Variants in NOTCH1 observed in about 807,000 individuals in gnomAD.
NOTCH1 encodes the protein neurogenic locus notch homolog protein 1.
NOTCH1 carries 37 observed loss-of-function variants against 254.8 expected under a neutral mutation model. That is an observed-to-expected ratio of 0.15 (90% confidence interval 0.11 to 0.19). The LOEUF is 0.19. Among genes scored for constraint, NOTCH1 ranks in the 10% least tolerant of loss-of-function variants. The probability of loss-of-function intolerance (pLI) is 1.00; values close to 1 mark genes in which losing one functional copy is unlikely to be tolerated. For synonymous variants in NOTCH1, 1,731 were observed against 1,618.1 expected (o/e 1.07, Z -1.68); for missense variants, 2,972 against 3,708.6 (o/e 0.80, Z 5.16).
chr9:136,525,620 C>T (rs978245074), intron 2 of NOTCH1, among the ~76,000 whole-genome samples: 14 of 152,328 alleles, frequency 9.2e-5, no homozygotes, highest in African/African-American at 3.1e-4. Context: ...GCCCCAGGAC[C>T]GGCCCTGAAG....
chr9:136,542,510 G>A (rs960196123), intron 2 of NOTCH1, among the ~76,000 whole-genome samples: 3 of 149,758 alleles, frequency 2.0e-5, no homozygotes, highest in South Asian at 2.1e-4. Context: ...GCGTCCGTGC[G>A]GCTTCTGCAG....
At chr9:136,518,852 G>A (rs762780194) in intron 5 of NOTCH1, 28 bp from the exon 6 acceptor site, 45 of 1,594,094 alleles carry the variant, frequency 2.8e-5, no homozygotes, top group Admixed American at 5.0e-5. Context: ...TGTCGGCCCC[G>A]GGCAGCTGCC....
chr9:136,499,299 C>G (rs368372846), intron 31 of NOTCH1, 40 bp from the exon 32 acceptor site: 5 of 1,607,598 alleles, frequency 3.1e-6, no homozygotes, highest in Non-Finnish European at 4.2e-6. Flanking sequence ...GCTGGGCAGA[C>G]GTACACCGAT....
At chr9:136,512,987 G>T (rs375643075) in intron 15 of NOTCH1, 34 bp downstream of exon 15, 1 of 362,632 alleles carries the variant, frequency 2.8e-6, no homozygotes, top group Admixed American at 4.0e-5. Context: ...CATAGGCCCC[G>T]CCCCCTCCAG....
intron 2 of NOTCH1, among the ~76,000 whole-genome samples, chr9:136,534,241 G>T (rs1843607121): frequency 6.6e-6 from 1 of 152,218 alleles, no homozygotes; most frequent in Non-Finnish European, 1.5e-5. Context: ...CTGGCCTCCT[G>T]TGCTACCTGT....
At position 136,518,843 on chromosome 9, in the gene NOTCH1, G is replaced by T. The variant is rs770694410; in HGVS notation, c.866-19C>A. On this transcript the variant is annotated intron_variant, in intron 5 of 33. Coordinates refer to ENST00000651671, the MANE Select transcript of NOTCH1 (RefSeq NM_017617.5). ...TACTGACCTGCAGGGAACAGGAGCT[G>T]TCGGCCCCGGGCAGCTGCCACTCCC... is the stretch of plus-strand genomic sequence containing the variant. The T allele has an allele frequency of 1.2e-6, 2 of 1,607,344 alleles. No individual in the cohort carries two copies. The highest frequency in any genetic ancestry group is 1.7e-6 in the Non-Finnish European group (2 of 1,175,686).
At chr9:136,543,948 C>T in intron 2 of NOTCH1, 76 bp downstream of exon 2, 1 of 1,347,368 alleles carries the variant, frequency 7.4e-7, no homozygotes, top group Non-Finnish European at 1.0e-6. Flanking sequence ...GCCTAGTGTT[C>T]TGTCCCCTGC....
intron 2 of NOTCH1, among the ~76,000 whole-genome samples, chr9:136,524,236 G>A (rs1843423652): frequency 6.6e-6 from 1 of 152,210 alleles, no homozygotes; most frequent in Admixed American, 6.5e-5. Flanking sequence ...AACCCAGGAG[G>A]CAGAGGTTGC....
intron 21 of NOTCH1, 148 bp downstream of exon 21, chr9:136,507,807 C>G (rs11574901): frequency 1.2e-6 from 1 of 868,598 alleles, no homozygotes; most frequent in South Asian, 1.4e-5. Context: ...GCAGTCTACC[C>G]TGATTACCCC....
In NOTCH1 at chr9:136,527,052, G is replaced by A. The variant is rs530599104; in HGVS notation, c.141-3073C>T. On this transcript the variant is annotated intron_variant, in intron 2 of 33. Transcript: ENST00000651671. The stretch of plus-strand genomic sequence containing the variant: ...TGAGACGCGCTAGCTGGGGGGAACC[G>A]GGCCGAGCCTGGAGAAAGTTTTGAG... Among the ~76,000 whole-genome samples the A allele has an allele frequency of 2.8e-4, 43 of 152,340 alleles. 1 individual carries two copies. The East Asian group carries it at 6.9e-3, about 25-fold the overall frequency.
At position 136,523,886 on chromosome 9, in the gene NOTCH1, G is replaced by A. The variant is rs2133379518; in HGVS notation, c.234C>T (p.Asp78=). ...CKNAGTCHVV[D]RRGVADYACS... ...AGGCATAGTCTGCCACGCCTCTGCG[G>A]TCCACCACGTGGCATGTCCCGGCGT... The change falls in exon 3 of 34, where the codon GAC becomes GAT. Residue 78 remains aspartate, a synonymous_variant. Transcript: ENST00000651671. The A allele has an allele frequency of 6.2e-7, 1 of 1,609,648 alleles. No individual in the cohort carries two copies. Among genetic ancestry groups the A allele is most frequent in the Non-Finnish European group, 8.5e-7 (1 of 1,178,766 alleles).
rs754633274 is a variant in NOTCH1 at position 136,508,111 on chromosome 9, A to G, written c.3354T>C (p.His1118=). ...QGVDVARLCQ[H]GGLCVDAGNT... ...TGCCCGCGTCCACACAGAGCCCTCC[A>G]TGCTGGCACAGGCGGGCAACGTCAA... The change falls in exon 21 of 34, where the codon CAT becomes CAC. Residue 1118 remains histidine, a synonymous_variant. Coordinates refer to ENST00000651671, the MANE Select transcript of NOTCH1 (RefSeq NM_017617.5). The G allele has an allele frequency of 1.1e-5, 17 of 1,608,728 alleles. No homozygotes were observed. Among genetic ancestry groups the G allele is most frequent in the Middle Eastern group, 1.6e-4 (1 of 6,084 alleles).
chr9:136,538,310 C>T (rs913555030), intron 2 of NOTCH1, among the ~76,000 whole-genome samples: 1 of 152,264 alleles, frequency 6.6e-6, no homozygotes, highest in African/African-American at 2.4e-5. Context: ...GGGCGACCAC[C>T]GAGCCCAGCG....
At position 136,505,713 on chromosome 9, in the gene NOTCH1, T is replaced by C. The variant is rs533363434; in HGVS notation, c.4183A>G (p.Asn1395Asp). ...FPASSPCLGGNPCYNQGTCEP... is the reference protein window; with the variant it reads ...FPASSPCLGGDPCYNQGTCEP... ...CAGGTCCCCTGGTTGTAGCAGGGGTTGCCGCCCAGGCAGGGGCTGCTGGCC... is the reference window on the plus strand; with the variant it reads ...CAGGTCCCCTGGTTGTAGCAGGGGTCGCCGCCCAGGCAGGGGCTGCTGGCC... Residue 1395 changes from asparagine (N) to aspartate (D), a missense_variant, in exon 25 of 34, where the codon AAC becomes GAC. Transcript: ENST00000651671. 1.2e-5 allele frequency: 20 copies of C among 1,601,126 alleles called. No homozygotes were observed. The African/African-American group carries it at 2.4e-4, about 19-fold the overall frequency.
chr9:136,532,355 G>T (rs1427365535), intron 2 of NOTCH1, among the ~76,000 whole-genome samples: 1 of 152,192 alleles, frequency 6.6e-6, no homozygotes, highest in Non-Finnish European at 1.5e-5. Context: ...CTCGCCCAAA[G>T]ATCTCGCACT....
rs1843794209 is a variant in NOTCH1, at chr9:136,545,107, A to G, written c.61+619T>C. ...TTCCAAACTTCAACTCCGCAAAGCA[A>G]AAGGAAAGTTCAGTCCCCCCGGGCG... On this transcript the variant is annotated intron_variant, in intron 1 of 33. Transcript: ENST00000651671. This position sits in a 1 kb window ranked among gnomAD's most constrained non-coding sequence, Gnocchi z 6.8. 6.6e-6 allele frequency among the ~76,000 whole-genome samples: 1 copy of G among 151,978 alleles called. No individual in the cohort carries two copies. Among genetic ancestry groups the G allele is most frequent in the Non-Finnish European group, 1.5e-5 (1 of 67,964 alleles).
Position 136,523,757 on chromosome 9 carries a change from C to T in NOTCH1, c.363G>A (p.Thr121=), listed in dbSNP as rs777400734. The T allele has an allele frequency of 2.0e-5, 32 of 1,610,970 alleles. No individual in the cohort carries two copies. Among genetic ancestry groups the T allele is most frequent in the East Asian group, 1.8e-4 (8 of 44,828 alleles). ...GGCAGCGGCACTTGTACTCCGTCAG[C>T]GTGAGCAGGTCGCAGGTGCCCCCGT... ...CRNGGTCDLL[T]LTEYKCRCPP... is the part of the protein sequence containing the mutation. Residue 121 remains threonine (T), a synonymous_variant, in exon 3 of 34, where the codon ACG becomes ACA. Coordinates refer to ENST00000651671, the MANE Select transcript of NOTCH1 (RefSeq NM_017617.5).
At position 136,506,678 on chromosome 9, in the gene NOTCH1, T is replaced by G. The variant is rs1270919451; in HGVS notation, c.3901+38A>C. On this transcript the variant is annotated intron_variant, in intron 23 of 33. Coordinates refer to ENST00000651671, the MANE Select transcript of NOTCH1 (RefSeq NM_017617.5). The surrounding 1 kb of genome is among the most constrained non-coding windows in gnomAD (Gnocchi z 4.5). Reference sequence around the variant, plus strand: ...CAGGGCAGTGAGAGGCTCACCCTGCTGCCCCACACGCCCCACCCGCCTGGG... The same window carrying G: ...CAGGGCAGTGAGAGGCTCACCCTGCGGCCCCACACGCCCCACCCGCCTGGG... 1 of 1,597,038 alleles carries G rather than the reference T, an allele frequency of 6.3e-7. No individual in the cohort carries two copies. Among genetic ancestry groups the G allele is most frequent in the African/African-American group, 1.3e-5 (1 of 74,686 alleles).
At chr9:136,511,601 C>G (rs1352417113) in intron 15 of NOTCH1, among the ~76,000 whole-genome samples, 2 of 152,198 alleles carry the variant, frequency 1.3e-5, no homozygotes, top group African/African-American at 4.8e-5. Flanking sequence ...GAGGCGGCCT[C>G]AGTCGGGTGG....
Sources: gnomAD v4.1 joint callset for allele counts (sites outside exome capture counted in the v4.1 genomes callset) on GRCh38, gnomAD v4.1.1 for gene constraint, Gnocchi (gnomAD v3.1) non-coding constraint, MANE v1.5 for transcripts, NCBI Gene and HGNC (gene_info 2026-07-23, HGNC 2026-07-21) for gene names.